Variants in TRIM4 observed in about 807,000 individuals in gnomAD.
TRIM4 encodes E3 ubiquitin-protein ligase TRIM4.
In TRIM4, 29 loss-of-function variants were observed where a neutral mutation model predicts 33.7. The observed-to-expected ratio is 0.86, with a 90% CI of 0.64 to 1.17. The LOEUF (loss-of-function observed/expected upper bound fraction) is 1.17. TRIM4 is among the 50% of genes most tolerant of loss of function. TRIM4 has a pLI of 0.00. For synonymous variants in TRIM4, 224 were observed against 233.0 expected, an observed-to-expected ratio of 0.96 and a Z score of 0.35; for missense variants, 554 against 593.7, an observed-to-expected ratio of 0.93 and a Z score of 0.69.
chr7:99,909,550 C>T lies in TRIM4; in HGVS notation c.489+15G>A. 6.2e-7 allele frequency: 1 copy of T among 1,610,462 alleles called. No individual in the cohort carries two copies. Among genetic ancestry groups the T allele is most frequent in the Non-Finnish European group, 8.5e-7 (1 of 1,177,590 alleles). ...ACCTCAGGAGCAAGAAATATCCAAC[C>T]ACTTCTGCCATTACCTTCCACTGTG... On this transcript the variant is annotated intron_variant, in intron 2 of 5. Coordinates refer to ENST00000349062, the MANE Select transcript of TRIM4 (RefSeq NM_033091.3).
chr7:99,908,913 C>A, intron 2 of TRIM4, 101 bp from the exon 3 acceptor site: 2 of 1,158,966 alleles, frequency 1.7e-6, no homozygotes, highest in Non-Finnish European at 2.4e-6. Flanking sequence ...CCTAATCAAA[C>A]CCTCTTGAAA....
At position 99,903,237 on chromosome 7, in the gene TRIM4, T is replaced by C. The variant is rs1397194024; in HGVS notation, c.822A>G (p.Glu274=). 3.1e-6 allele frequency: 5 copies of C among 1,612,690 alleles called. No individual in the cohort carries two copies. The highest frequency in any genetic ancestry group is 4.2e-6 in the Non-Finnish European group (5 of 1,179,308). The part of the protein sequence containing the change: ...KTVCQIPLMK[E]MLKRFQVAVN... ...GCTCACCTTGGAATCGCTTTAGCAT[T>C]TCCTTCATCAATGGTATCTGGCACA... The change falls in exon 5 of 6, where the codon GAA becomes GAG. Residue 274 remains glutamate (E), a synonymous_variant. Transcript: ENST00000349062.
intron 1 of TRIM4, among the ~76,000 whole-genome samples, chr7:99,915,587 G>A (rs1308336372): frequency 1.3e-5 from 2 of 152,144 alleles, no homozygotes; most frequent in South Asian, 2.1e-4. Flanking sequence ...TGGGATGCTT[G>A]GAAATAAAGC....
intron 3 of TRIM4, among the ~76,000 whole-genome samples, chr7:99,905,684 A>G (rs930594751): frequency 6.6e-6 from 1 of 152,138 alleles, no homozygotes; most frequent in Admixed American, 6.5e-5. Flanking sequence ...ATGTCTCTAT[A>G]TAATATCAGA....
intron 1 of TRIM4, among the ~76,000 whole-genome samples, chr7:99,914,384 G>T (rs992833562): frequency 2.0e-5 from 3 of 152,070 alleles, no homozygotes; most frequent in Non-Finnish European, 4.4e-5. Context: ...TTGAACTCCC[G>T]GACTCAAGCA....
rs143468149 is a variant in TRIM4 at position 99,891,972 on chromosome 7, T to C, written c.*191A>G. 9.0e-6 allele frequency: 5 copies of C among 553,220 alleles called. No homozygotes were observed. The highest frequency in any genetic ancestry group is 3.0e-5 in the East Asian group (1 of 33,802). The allele number at this position is 553,220 out of a possible 1,614,324, so 34.3% of individuals were successfully genotyped here. On this transcript the variant is annotated 3_prime_UTR_variant, in exon 6 of 6. Coordinates refer to ENST00000349062, the MANE Select transcript of TRIM4 (RefSeq NM_033091.3). ...TGGAAAATTTCCTGTCCCATCTCCA[T>C]TGGCCAGACCCACCTCCCATGGGAC...
rs768663046 is a variant in TRIM4, at chr7:99,892,392, C to A, written c.1196G>T (p.Gly399Val). 1.9e-6 allele frequency: 3 copies of A among 1,614,074 alleles called. No homozygotes were observed. Among genetic ancestry groups the A allele is most frequent in the Admixed American group, 1.7e-5 (1 of 60,022 alleles). Residue 399 changes from glycine (G) to valine (V), a missense_variant, in exon 6 of 6, where the codon GGC (glycine) becomes GTC (valine). Gly to Val is a moderately radical substitution (Grantham distance 109). This residue lies in a region of TRIM4 where 290 missense variants were observed against 335.8 expected (regional missense o/e 0.86). Coordinates refer to ENST00000349062, the MANE Select transcript of TRIM4 (RefSeq NM_033091.3). ...GIWAIYWSAAGYWPLIGFPGT... is the reference protein window; with the variant it reads ...GIWAIYWSAAVYWPLIGFPGT... ...AGGGAAGCCTATCAAGGGCCAATAG[C>A]CAGCAGCACTCCAATAAATCGCCCA...
chr7:99,900,472 C>T (rs181607507), intron 5 of TRIM4, among the ~76,000 whole-genome samples: 9 of 152,300 alleles, frequency 5.9e-5, no homozygotes, highest in Non-Finnish European at 1.0e-4. Context: ...AACTTACCAT[C>T]GCAATTCCTT....
rs1284699658 is a variant in TRIM4 at position 99,908,752 on chromosome 7, G to A, written c.550C>T (p.Leu184=). The change falls in exon 3 of 6, where the codon CTG becomes TTG. Residue 184 remains leucine (L), a synonymous_variant. Coordinates refer to ENST00000349062, the MANE Select transcript of TRIM4 (RefSeq NM_033091.3). ...STEFSKLHNF[L]VEEEDLFLQR... is the part of the protein sequence containing the mutation. ...AGAAACAGGTCCTCTTCTTCAACCA[G>A]GAAGTTGTGCAGCTTTGAAAACTCC... The A allele has an allele frequency of 6.2e-7, 1 of 1,614,094 alleles. No individual in the cohort carries two copies. The highest frequency in any genetic ancestry group is 1.3e-5 in the African/African-American group (1 of 74,980).
intron 5 of TRIM4, among the ~76,000 whole-genome samples, chr7:99,902,858 T>C (rs1278745579): frequency 1.3e-5 from 2 of 151,942 alleles, no homozygotes; most frequent in African/African-American, 4.8e-5. Flanking sequence ...GCCTCTGCTG[T>C]GAAAACTTTC....
intron 5 of TRIM4, among the ~76,000 whole-genome samples, chr7:99,900,503 C>T (rs1158264497): frequency 6.6e-6 from 1 of 152,140 alleles, no homozygotes; most frequent in Non-Finnish European, 1.5e-5. Context: ...TAAATAATGA[C>T]AATAATATAT....
chr7:99,903,705 A>C, intron 3 of TRIM4, 107 bp from the exon 4 acceptor site: 2 of 1,263,380 alleles, frequency 1.6e-6, no homozygotes, highest in Non-Finnish European at 2.3e-6. Flanking sequence ...CTCATGTCAC[A>C]TATGATCTCC....
chr7:99,915,829 T>C, intron 1 of TRIM4, among the ~76,000 whole-genome samples: 1 of 152,072 alleles, frequency 6.6e-6, no homozygotes, highest in Non-Finnish European at 1.5e-5. Context: ...GGCCATTGTG[T>C]TTAATCCTGA....
At chr7:99,910,544 AAAG>A (rs1447652282) in intron 1 of TRIM4, among the ~76,000 whole-genome samples, 1 of 152,236 alleles carries the variant, frequency 6.6e-6, no homozygotes, top group African/African-American at 2.4e-5. Flanking sequence ...TCTGTTTTGA[AAAG>A]AATAAACGTG....
intron 5 of TRIM4, among the ~76,000 whole-genome samples, chr7:99,902,528 T>G (rs1819199952): frequency 6.6e-6 from 1 of 152,156 alleles, no homozygotes; most frequent in African/African-American, 2.4e-5. Flanking sequence ...ATTACAGACA[T>G]GAGCCTTCGT....
chr7:99,912,597 T>C (rs185511942), intron 1 of TRIM4, among the ~76,000 whole-genome samples: 1 of 152,224 alleles, frequency 6.6e-6, no homozygotes, highest in East Asian at 1.9e-4. Context: ...CTGAAGTATT[T>C]TGTTTGCAAT....
chr7:99,892,198 A>G lies in TRIM4; in HGVS notation c.1390T>C (p.Ser464Pro). ...TCAGTCACTGGTGGAATGACTAAAG[A>G]TGCTAATGGACTCAACCAAAAAAAT... Reference protein sequence around the residue: ...RPFFWLSPLASLVIPPVTDRK With the variant: ...RPFFWLSPLAPLVIPPVTDRK The change falls in exon 6 of 6, where the codon TCT (serine) becomes CCT (proline). Residue 464 changes from serine to proline, a missense_variant. By Grantham distance (74) the Ser-to-Pro change is moderately conservative. Transcript: ENST00000349062. 1 of 1,613,336 alleles carries G rather than the reference A, an allele frequency of 6.2e-7. No individual in the cohort carries two copies. Among genetic ancestry groups the G allele is most frequent in the East Asian group, 2.2e-5 (1 of 44,886 alleles).
At chr7:99,912,767 G>A (rs936742031) in intron 1 of TRIM4, among the ~76,000 whole-genome samples, 1 of 152,188 alleles carries the variant, frequency 6.6e-6, no homozygotes, top group African/African-American at 2.4e-5. Context: ...ATGTATGCTT[G>A]AAATTTTCAT....
At position 99,892,408 on chromosome 7, in the gene TRIM4, A is replaced by G. The variant is rs1453842067; in HGVS notation, c.1180T>C (p.Tyr394His). The G allele has an allele frequency of 1.2e-6, 2 of 1,613,932 alleles. No homozygotes were observed. Among genetic ancestry groups the G allele is most frequent in the Non-Finnish European group, 1.7e-6 (2 of 1,180,004 alleles). ...MSPDVGIWAI[Y>H]WSAAGYWPLI... ...GGCCAATAGCCAGCAGCACTCCAATAAATCGCCCAGATGCCCACATCTGGG... is the reference window on the plus strand; with the variant it reads ...GGCCAATAGCCAGCAGCACTCCAATGAATCGCCCAGATGCCCACATCTGGG... The change falls in exon 6 of 6, where the codon TAT becomes CAT. Residue 394 changes from tyrosine to histidine, a missense_variant. Around this residue, in one of 3 missense-constraint regions of TRIM4, gnomAD observed 290 missense variants for 335.8 expected, o/e 0.86. Transcript: ENST00000349062.
Sources: allele counts gnomAD v4.1 joint callset (sites outside exome capture counted in the v4.1 genomes callset), GRCh38; gene constraint gnomAD v4.1.1; regional missense constraint gnomAD v4.1.1; transcripts MANE v1.5; gene names NCBI Gene and HGNC (gene_info 2026-07-23, HGNC 2026-07-21).